The following CTBP2 variants were observed in gnomAD, a reference collection of about 807,000 sequenced individuals.
CTBP2 encodes the protein C-terminal-binding protein 2.
A neutral mutation model predicts 80.3 loss-of-function variants in CTBP2; 30 were observed. The ratio of observed to expected loss-of-function variants is 0.37; its 90% CI spans 0.28 to 0.51. CTBP2 has a LOEUF of 0.51. Ranked by LOEUF, CTBP2 falls within the 20% of genes least tolerant of loss-of-function variation. The pLI, the probability that CTBP2 is intolerant of heterozygous loss-of-function variation, is 0.93. For missense variants in CTBP2, 1,212 were observed against 1,375.3 expected (o/e 0.88, Z 1.88); for synonymous variants, 594 against 587.4 (o/e 1.01, Z -0.16).
intron 8 of CTBP2, 112 bp from the exon 11 acceptor site, chr10:124,989,810 T>C (rs1952345353): frequency 3.8e-6 from 4 of 1,052,802 alleles, no homozygotes; most frequent in Admixed American, 3.3e-5. Context: ...GACATGAACA[T>C]GGCTCACCTT....
intron 2 of CTBP2, among the ~76,000 whole-genome samples, chr10:125,101,529 C>A (rs1235317752): frequency 6.6e-6 from 1 of 152,198 alleles, no homozygotes; most frequent in East Asian, 1.9e-4. Flanking sequence ...GGAAAGGCTT[C>A]ATGGAAACCC....
intron 2 of CTBP2, among the ~76,000 whole-genome samples, chr10:125,060,390 T>C (rs1964719817): frequency 6.6e-6 from 1 of 152,216 alleles, no homozygotes; most frequent in Non-Finnish European, 1.5e-5. Context: ...TCAAGTACTT[T>C]TTCTTAAAAC....
At chr10:125,031,038 G>A (rs1958130018), upstream of CTBP2, among the ~76,000 whole-genome samples, 1 of 44,374 alleles carries the variant, frequency 2.3e-5, no homozygotes, top group African/African-American at 7.8e-5. Context: ...CCCTAGGGAG[G>A]CTGCAGAAGT....
At chr10:125,125,569 T>C (rs12264453) in intron 1 of CTBP2, among the ~76,000 whole-genome samples, 68,277 of 152,014 alleles carry the variant, frequency 0.45, 16,570 homozygotes, top group East Asian at 0.68. Flanking sequence ...ACCTGACAAA[T>C]AGTGCTCAGA....
chr10:125,022,586 C>A (rs945398360), intron 1 of CTBP2, among the ~76,000 whole-genome samples: 2 of 152,244 alleles, frequency 1.3e-5, no homozygotes, highest in African/African-American at 4.8e-5. Flanking sequence ...CTGCCCAGGG[C>A]AGTGGTCTGT....
intron 8 of CTBP2, among the ~76,000 whole-genome samples, chr10:124,990,932 T>C (rs1375668831): frequency 6.6e-6 from 1 of 152,230 alleles, no homozygotes; most frequent in East Asian, 1.9e-4. Flanking sequence ...GAGCAAGGCA[T>C]TTCTTTACAA....
intron 1 of CTBP2, among the ~76,000 whole-genome samples, chr10:125,113,038 A>G (rs1264150416): frequency 6.6e-6 from 1 of 152,226 alleles, no homozygotes; most frequent in African/African-American, 2.4e-5. Flanking sequence ...ACTCAGGAAA[A>G]GCATGGACTC....
rs527506693 is a variant in CTBP2, at chr10:125,152,225, AACCCCGGG to A, written c.-206+8086_-206+8093del. 2.8e-4 allele frequency among the ~76,000 whole-genome samples: 42 copies of A among 152,164 alleles called. No individual in the cohort carries two copies. The East Asian group carries it at 4.1e-3, about 15-fold the overall frequency. On this transcript the variant is annotated intron_variant, in intron 1 of 10. Coordinates refer to the CTBP2 transcript ENST00000337195. ...CTTCACCTGGGGCTCGGGAGCCAGG[AACCCCGGG>A]ACCCCGGGACCCCAGAAGCCCGGAC...
chr10:125,002,983 T>A lies in CTBP2; in HGVS notation c.1955A>T (p.Asp652Val). 1 of 1,613,488 alleles carries A rather than the reference T, an allele frequency of 6.2e-7. No homozygotes were observed. The highest frequency in any genetic ancestry group is 8.5e-7 in the Non-Finnish European group (1 of 1,179,954). ...ACCGAGCTCGCCGGCAGCCTTGATG[T>A]CCACGTTGTCATAGCCACTGCCTAT... The change falls in exon 3 of 9, where the codon GAC becomes GTC. Residue 652 changes from aspartate to valine, a missense_variant. Asp to Val is a radical substitution (Grantham distance 152). Around this residue, in one of 3 missense-constraint regions of CTBP2, gnomAD observed 335 missense variants for 504.7 expected, o/e 0.66. Coordinates refer to ENST00000309035, the MANE Select transcript of CTBP2 (RefSeq NM_022802.3).
At chr10:125,003,833 G>A (rs1357204385) in intron 1 of CTBP2, among the ~76,000 whole-genome samples, 2 of 151,528 alleles carry the variant, frequency 1.3e-5, no homozygotes, top group African/African-American at 4.9e-5. Context: ...GCCTGCACCG[G>A]CACCAGCTGC....
chr10:125,078,644 T>A (rs910128240), intron 2 of CTBP2, among the ~76,000 whole-genome samples: 1 of 152,046 alleles, frequency 6.6e-6, no homozygotes, highest in African/African-American at 2.4e-5. Flanking sequence ...CAAGCTGCGA[T>A]GGTTGGGGAC....
intron 6 of CTBP2, 116 bp from the exon 9 acceptor site, chr10:124,993,445 T>C: frequency 2.6e-6 from 3 of 1,136,728 alleles, no homozygotes; most frequent in East Asian, 2.6e-5. Flanking sequence ...ATAGCATGGA[T>C]ACAGGAACAT....
rs1336967051 is a variant in CTBP2, at chr10:125,003,242, G to C, written c.1833+96C>G. 5 of 1,583,720 alleles carry C rather than the reference G, an allele frequency of 3.2e-6. No individual in the cohort carries two copies. In the African/African-American group the frequency reaches 6.8e-5, roughly 22 times the overall value. On this transcript the variant is annotated intron_variant, in intron 2 of 8. Coordinates refer to ENST00000309035, the MANE Select transcript of CTBP2 (RefSeq NM_022802.3). ...AGGAAAGCAGGGAACAGGGGTTCTGGGGCCTGCCGGTGACTTGGGGCGATC... is the reference window on the plus strand; with the variant it reads ...AGGAAAGCAGGGAACAGGGGTTCTGCGGCCTGCCGGTGACTTGGGGCGATC...
chr10:124,998,455 G>A lies in CTBP2; in HGVS notation c.1979-285C>T, dbSNP rs911844037. ...CTATGGCTGATTTTGGGCCTGACTG[G>A]CTTCCTCCTGGGCTTGCACTGAGTC... On this transcript the variant is annotated intron_variant, in intron 3 of 8. Coordinates refer to ENST00000309035, the MANE Select transcript of CTBP2 (RefSeq NM_022802.3). 86 of 463,784 alleles carry A rather than the reference G, an allele frequency of 1.9e-4. No individual in the cohort carries two copies. In the Middle Eastern group the frequency reaches 1.9e-3, roughly 10 times the overall value. 28.7% of individuals were successfully genotyped at this position (463,784 alleles called of 1,614,324 possible). A position where few individuals can be genotyped will look rare whatever the true frequency, so the allele number is the denominator to read the frequency against.
intron 1 of CTBP2, among the ~76,000 whole-genome samples, chr10:125,013,932 C>T (rs1956205877): frequency 6.6e-6 from 1 of 152,188 alleles, no homozygotes; most frequent in African/African-American, 2.4e-5. Context: ...AAAGTTCTCT[C>T]TCTTTTACTG....
At chr10:125,006,558 G>A (rs1329462349) in intron 1 of CTBP2, among the ~76,000 whole-genome samples, 1 of 152,216 alleles carries the variant, frequency 6.6e-6, no homozygotes. Flanking sequence ...GCTTGCTGGA[G>A]CCTGGGGCAG....
chr10:124,994,704 C>T, intron 4 of CTBP2, 21 bp from the exon 7 acceptor site: 2 of 1,612,892 alleles, frequency 1.2e-6, no homozygotes, highest in Non-Finnish European at 1.7e-6. Context: ...ACAGAGCGTC[C>T]AGGTGAGTGA....
intron 2 of CTBP2, among the ~76,000 whole-genome samples, chr10:125,104,296 C>G (rs1243915448): frequency 6.6e-6 from 1 of 152,230 alleles, no homozygotes; most frequent in Non-Finnish European, 1.5e-5. Flanking sequence ...TCATCAGATG[C>G]TCTGCACTGC....
chr10:125,095,977 C>T (rs1281487452), intron 2 of CTBP2, among the ~76,000 whole-genome samples: 1 of 152,110 alleles, frequency 6.6e-6, no homozygotes, highest in Non-Finnish European at 1.5e-5. Flanking sequence ...CCTAACGCAG[C>T]CGTTTCTAGG....
Sources: gnomAD v4.1 joint callset for allele counts (sites outside exome capture counted in the v4.1 genomes callset) on GRCh38, gnomAD v4.1.1 for gene constraint, gnomAD v4.1.1 regional missense constraint, MANE v1.5 for transcripts, NCBI Gene and HGNC (gene_info 2026-07-23, HGNC 2026-07-21) for gene names.